CYYR1: variants seen among roughly 807,000 people sequenced by gnomAD.
CYYR1 encodes cysteine and tyrosine-rich protein 1.
Under a neutral mutation model 15.2 loss-of-function variants are expected in CYYR1, and 14 were observed. The ratio of observed to expected loss-of-function variants is 0.92; its 90% CI spans 0.61 to 1.44. The LOEUF (loss-of-function observed/expected upper bound fraction) is 1.44. Among genes scored for constraint, CYYR1 ranks in the 40% most tolerant of loss-of-function variants. The pLI, the probability that CYYR1 is intolerant of heterozygous loss-of-function variation, is 0.00. For missense variants in CYYR1, 228 were observed against 209.5 expected (o/e 1.09, Z -0.54); for synonymous variants, 80 against 77.4 (o/e 1.03, Z -0.18).
At chr21:26,500,851 G>C (rs901969889) in intron 2 of CYYR1, among the ~76,000 whole-genome samples, 7 of 152,294 alleles carry the variant, frequency 4.6e-5, no homozygotes, top group Non-Finnish European at 1.0e-4. Flanking sequence ...TTCTGAATTA[G>C]AGTGTTTTGA....
intron 2 of CYYR1, among the ~76,000 whole-genome samples, chr21:26,505,613 A>G (rs934815285): frequency 6.6e-6 from 1 of 152,246 alleles, no homozygotes; most frequent in African/African-American, 2.4e-5. Flanking sequence ...CACATTAGCT[A>G]TTACCCTTAT....
At chr21:26,496,132 C>G (rs2065399942) in intron 2 of CYYR1, among the ~76,000 whole-genome samples, 1 of 152,208 alleles carries the variant, frequency 6.6e-6, no homozygotes, top group Admixed American at 6.5e-5. Flanking sequence ...ATCAGAATCT[C>G]TGGAGATGAG....
intron 2 of CYYR1, among the ~76,000 whole-genome samples, chr21:26,516,523 T>C (rs1456764413): frequency 6.6e-6 from 1 of 152,200 alleles, no homozygotes; most frequent in East Asian, 1.9e-4. Flanking sequence ...AGCTGAACGA[T>C]TCTGTTACAT....
In CYYR1 at chr21:26,551,708, C is replaced by T. The variant is rs188972000; in HGVS notation, c.176+14558G>A. 27 of 189,448 alleles carry T rather than the reference C, an allele frequency of 1.4e-4. No homozygotes were observed. The East Asian group carries it at 2.8e-3, about 20-fold the overall frequency. The allele number at this position is 189,448 out of a possible 1,614,324, so 11.7% of individuals were successfully genotyped here. A position where few individuals can be genotyped will look rare whatever the true frequency, so the allele number is the denominator to read the frequency against. On this transcript the variant is annotated intron_variant, in intron 2 of 3. Coordinates refer to ENST00000652641, the MANE Select transcript of CYYR1 (RefSeq NM_001320768.2). Reference sequence around the variant, plus strand: ...TGAACATAACAGCAGTTAATTCTTACGGATTAGCAAAAAAGTGGTTTTGTG... The same window carrying T: ...TGAACATAACAGCAGTTAATTCTTATGGATTAGCAAAAAAGTGGTTTTGTG...
chr21:26,528,529 T>G (rs547934165), intron 2 of CYYR1, among the ~76,000 whole-genome samples: 120 of 152,286 alleles, frequency 7.9e-4, no homozygotes, highest in Non-Finnish European at 1.3e-3. Flanking sequence ...CCTTTTGCCA[T>G]GAGTGGAAGC....
chr21:26,476,627 T>C (rs1247563085), intron 3 of CYYR1, among the ~76,000 whole-genome samples: 1 of 150,458 alleles, frequency 6.6e-6, no homozygotes, highest in Non-Finnish European at 1.5e-5. Context: ...TATCTATCTA[T>C]CTAATCTTCT....
At chr21:26,510,448 AT>A in intron 2 of CYYR1, among the ~76,000 whole-genome samples, 1 of 152,206 alleles carries the variant, frequency 6.6e-6, no homozygotes, top group Non-Finnish European at 1.5e-5. Flanking sequence ...TGCCAAGGAA[AT>A]TCAGATGTAT....
intron 2 of CYYR1, among the ~76,000 whole-genome samples, chr21:26,530,537 C>T (rs545832750): frequency 5.6e-4 from 85 of 151,932 alleles, no homozygotes; most frequent in Non-Finnish European, 9.7e-4. Flanking sequence ...TATGTATACA[C>T]GTGCCATGGT....
chr21:26,566,579 T>C (rs1341112539), intron 1 of CYYR1, among the ~76,000 whole-genome samples: 1 of 152,160 alleles, frequency 6.6e-6, no homozygotes, highest in Admixed American at 6.6e-5. Flanking sequence ...AAGACAACTC[T>C]TGAATCTTCT....
chr21:26,496,847 C>A (rs2065411609), intron 2 of CYYR1, among the ~76,000 whole-genome samples: 1 of 152,140 alleles, frequency 6.6e-6, no homozygotes, highest in Non-Finnish European at 1.5e-5. Flanking sequence ...CAAGGAAGAT[C>A]AGTTTCCCAC....
intron 2 of CYYR1, among the ~76,000 whole-genome samples, chr21:26,496,737 A>T (rs968756234): frequency 6.6e-6 from 1 of 152,188 alleles, no homozygotes; most frequent in South Asian, 2.1e-4. Flanking sequence ...GAAATTTCCA[A>T]ATTTGTGTAG....
chr21:26,496,928 A>C (rs1014938114), intron 2 of CYYR1, among the ~76,000 whole-genome samples: 1 of 152,124 alleles, frequency 6.6e-6, no homozygotes, highest in Non-Finnish European at 1.5e-5. Context: ...TTTATTCAAA[A>C]ATTTTCTTTG....
rs145480639 is a variant in CYYR1 at position 26,536,041 on chromosome 21, G to A, written c.176+30225C>T. On this transcript the variant is annotated intron_variant, in intron 2 of 3. Coordinates refer to ENST00000652641, the MANE Select transcript of CYYR1 (RefSeq NM_001320768.2). Reference sequence around the variant, plus strand: ...AAGCATGGCTGGGAGGCTTCGAGACGCTTACAACCATGGTGAAAGGTGAAG... The same window carrying A: ...AAGCATGGCTGGGAGGCTTCGAGACACTTACAACCATGGTGAAAGGTGAAG... 2.8e-3 allele frequency among the ~76,000 whole-genome samples: 426 copies of A among 152,244 alleles called. 2 individuals carry two copies. The highest frequency in any genetic ancestry group is 9.7e-3 in the African/African-American group (404 of 41,556).
chr21:26,504,152 T>C (rs959219197), intron 2 of CYYR1, among the ~76,000 whole-genome samples: 1 of 152,204 alleles, frequency 6.6e-6, no homozygotes, highest in African/African-American at 2.4e-5. Flanking sequence ...TCTCACGATA[T>C]GATGGCAGAA....
At chr21:26,560,090 C>T (rs1980093876) in intron 2 of CYYR1, among the ~76,000 whole-genome samples, 1 of 152,090 alleles carries the variant, frequency 6.6e-6, no homozygotes, top group Non-Finnish European at 1.5e-5. Flanking sequence ...TTTGATATGT[C>T]TCTTAATTTC....
chr21:26,537,419 AG>A (rs1347824204), intron 2 of CYYR1, among the ~76,000 whole-genome samples: 1 of 152,178 alleles, frequency 6.6e-6, no homozygotes. Context: ...AATACTAAAA[AG>A]CTCTCAGTGC....
intron 2 of CYYR1, among the ~76,000 whole-genome samples, chr21:26,487,201 G>T (rs913526684): frequency 6.6e-6 from 1 of 151,668 alleles, no homozygotes; most frequent in Admixed American, 6.6e-5. Context: ...ATAAGTCAAA[G>T]GTAAAAGTAT....
At chr21:26,497,510 A>G (rs548565120) in intron 2 of CYYR1, among the ~76,000 whole-genome samples, 1 of 152,286 alleles carries the variant, frequency 6.6e-6, no homozygotes, top group East Asian at 1.9e-4. Context: ...CCTATTCCAT[A>G]AATCTTGACT....
intron 2 of CYYR1, among the ~76,000 whole-genome samples, chr21:26,495,688 CG>C (rs1330885659): frequency 6.6e-6 from 1 of 152,146 alleles, no homozygotes; most frequent in Non-Finnish European, 1.5e-5. Flanking sequence ...GAGAGCCACA[CG>C]GGTGAACTGT....
Sources: allele counts gnomAD v4.1 joint callset (sites outside exome capture counted in the v4.1 genomes callset), GRCh38; gene constraint gnomAD v4.1.1; transcripts MANE v1.5; gene names NCBI Gene and HGNC (gene_info 2026-07-23, HGNC 2026-07-21).